Variants in SEMA3E observed in about 807,000 individuals in gnomAD.
SEMA3E encodes semaphorin 3E, also known as semaphorin-3E.
Under a neutral mutation model 93.6 loss-of-function variants are expected in SEMA3E, and 49 were observed. That is an observed-to-expected ratio of 0.52 (90% confidence interval 0.42 to 0.66). The LOEUF is 0.66. Ranked by LOEUF, SEMA3E falls within the 30% of genes least tolerant of loss-of-function variation. SEMA3E has a pLI of 0.00. For missense variants in SEMA3E, 906 were observed against 964.8 expected, an observed-to-expected ratio of 0.94 and a Z score of 0.81; for synonymous variants, 363 against 330.7, an observed-to-expected ratio of 1.10 and a Z score of -1.06.
At chr7:83,634,534 G>A (rs1430247146) in intron 1 of SEMA3E, among the ~76,000 whole-genome samples, 1 of 151,914 alleles carries the variant, frequency 6.6e-6, no homozygotes, top group African/African-American at 2.4e-5. Flanking sequence ...TCTTACTTCT[G>A]AGCAGTATAA....
chr7:83,451,010 A>G (rs1049760080), intron 4 of SEMA3E, among the ~76,000 whole-genome samples: 1 of 147,802 alleles, frequency 6.8e-6, no homozygotes, highest in Admixed American at 6.7e-5. Flanking sequence ...GGTAGAGATA[A>G]TTGAATCATG....
intron 1 of SEMA3E, among the ~76,000 whole-genome samples, chr7:83,642,535 T>A (rs1794027008): frequency 6.6e-6 from 1 of 152,134 alleles, no homozygotes; most frequent in Non-Finnish European, 1.5e-5. Flanking sequence ...CTATAAAATA[T>A]CCAGTCTTGT....
At chr7:83,503,000 T>G (rs1471898052) in intron 1 of SEMA3E, among the ~76,000 whole-genome samples, 1 of 131,698 alleles carries the variant, frequency 7.6e-6, no homozygotes, top group Non-Finnish European at 1.6e-5. Context: ...ATATATGAGT[T>G]TCTTTCTCTC....
intron 16 of SEMA3E, chr7:83,372,399 C>G: frequency 2.5e-6 from 1 of 395,910 alleles, no homozygotes; most frequent in Non-Finnish European, 4.5e-6. Flanking sequence ...GTGATCTAGC[C>G]TAGTTTCCAG....
chr7:83,388,184 C>T (rs1353150193), intron 14 of SEMA3E, among the ~76,000 whole-genome samples: 2 of 148,238 alleles, frequency 1.3e-5, no homozygotes, highest in Admixed American at 6.8e-5. Flanking sequence ...TGGTGTGCGC[C>T]TGTAGTCCCA....
At chr7:83,462,496 T>G (rs1403681401) in intron 4 of SEMA3E, among the ~76,000 whole-genome samples, 1 of 152,058 alleles carries the variant, frequency 6.6e-6, no homozygotes, top group Non-Finnish European at 1.5e-5. Context: ...TTGCTGCCTT[T>G]TCCCCCAGTT....
chr7:83,495,571 A>G (rs556211292), intron 1 of SEMA3E, among the ~76,000 whole-genome samples: 9 of 152,034 alleles, frequency 5.9e-5, no homozygotes, highest in African/African-American at 1.4e-4. Context: ...AAACATGGGG[A>G]AAAACATACA....
chr7:83,442,267 ACTTTTCAATCT>A (rs1355696989), intron 4 of SEMA3E, among the ~76,000 whole-genome samples: 1 of 152,200 alleles, frequency 6.6e-6, no homozygotes. Context: ...ATTAATAAAT[ACTTTTCAATCT>A]CTTTTCAATA....
At chr7:83,459,028 A>C (rs910467376) in intron 4 of SEMA3E, among the ~76,000 whole-genome samples, 7 of 149,164 alleles carry the variant, frequency 4.7e-5, no homozygotes, top group African/African-American at 9.8e-5. Flanking sequence ...AAGAAATATT[A>C]TTTGAAGAAA....
intron 1 of SEMA3E, among the ~76,000 whole-genome samples, chr7:83,587,733 C>T (rs1792661050): frequency 6.6e-6 from 1 of 151,578 alleles, no homozygotes; most frequent in Non-Finnish European, 1.5e-5. Flanking sequence ...TAATATTGTT[C>T]AGAAAAATGA....
At chr7:83,378,276 AAG>A (rs1347308949) in intron 16 of SEMA3E, among the ~76,000 whole-genome samples, 9 of 151,928 alleles carry the variant, frequency 5.9e-5, no homozygotes, top group African/African-American at 1.9e-4. Context: ...TCAGAGAGTG[AAG>A]AGTCTCTGTT....
chr7:83,410,485 T>C (rs954570477), intron 5 of SEMA3E, among the ~76,000 whole-genome samples: 1 of 152,096 alleles, frequency 6.6e-6, no homozygotes, highest in African/African-American at 2.4e-5. Context: ...AGAAAAGTTA[T>C]GTTAGAACTC....
At chr7:83,565,941 CAT>C (rs888323454) in intron 1 of SEMA3E, among the ~76,000 whole-genome samples, 5 of 150,948 alleles carry the variant, frequency 3.3e-5, no homozygotes, top group Middle Eastern at 3.2e-3. Context: ...TTTTACAACA[CAT>C]ATAAAAATTG....
chr7:83,641,201 C>A (rs1305192959), intron 1 of SEMA3E: 1 of 166,192 alleles, frequency 6.0e-6, no homozygotes, highest in East Asian at 1.9e-4. Context: ...TCCTGCTTAT[C>A]CCACCCCATC....
chr7:83,465,163 T>C (rs7456979), intron 4 of SEMA3E, among the ~76,000 whole-genome samples: 146,779 of 151,880 alleles, frequency 0.97, 71,151 homozygotes, highest in East Asian at 1. Flanking sequence ...AAAAAACACC[T>C]CCATTGAGCA....
intron 1 of SEMA3E, among the ~76,000 whole-genome samples, chr7:83,618,608 A>G (rs1223462941): frequency 1.3e-5 from 2 of 151,878 alleles, no homozygotes; most frequent in Non-Finnish European, 2.9e-5. Context: ...ATTTACCTCA[A>G]TGACTTTATT....
intron 11 of SEMA3E, among the ~76,000 whole-genome samples, chr7:83,398,926 A>T (rs1297026415): frequency 6.6e-6 from 1 of 152,166 alleles, no homozygotes; most frequent in African/African-American, 2.4e-5. Flanking sequence ...CCTGGGCAAC[A>T]GAGCAGGACC....
intron 1 of SEMA3E, among the ~76,000 whole-genome samples, chr7:83,550,026 A>G (rs754410821): frequency 2.0e-5 from 3 of 152,098 alleles, no homozygotes; most frequent in Non-Finnish European, 4.4e-5. Context: ...AATTTTTGCA[A>G]TGTAAAAACC....
At chr7:83,538,001 T>A (rs1219271178) in intron 1 of SEMA3E, among the ~76,000 whole-genome samples, 1 of 152,192 alleles carries the variant, frequency 6.6e-6, no homozygotes, top group Non-Finnish European at 1.5e-5. Flanking sequence ...AACTTGTTTT[T>A]TTTACTTGGC....
Sources: gnomAD v4.1 joint callset for allele counts (sites outside exome capture counted in the v4.1 genomes callset) on GRCh38, gnomAD v4.1.1 for gene constraint, MANE v1.5 for transcripts, NCBI Gene and HGNC (gene_info 2026-07-23, HGNC 2026-07-21) for gene names.